PRELID2: variants seen among roughly 807,000 people sequenced by gnomAD.
PRELID2 encodes the protein PRELI domain-containing protein 2.
A neutral mutation model predicts 28.4 loss-of-function variants in PRELID2; 25 were observed. The observed-to-expected ratio is 0.88, with a 90% CI of 0.64 to 1.23. The LOEUF (loss-of-function observed/expected upper bound fraction) is 1.23. PRELID2 is among the 50% of genes most tolerant of loss of function. The probability of loss-of-function intolerance (pLI) is 0.00; values close to 1 mark genes in which losing one functional copy is unlikely to be tolerated. For synonymous variants in PRELID2, 76 were observed against 71.6 expected (o/e 1.06, Z -0.31); for missense variants, 201 against 214.4 (o/e 0.94, Z 0.39).
At chr5:145,303,875 T>A in the PRELID2 span, among the ~76,000 whole-genome samples, 23 of 152,322 alleles carry the variant, frequency 1.5e-4, 1 homozygote, top group South Asian at 4.3e-3. Context: ...CTTTGTTGCA[T>A]GTCCTTTTAT....
chr5:145,426,265 C>CAAT, the PRELID2 span, among the ~76,000 whole-genome samples: 2 of 152,134 alleles, frequency 1.3e-5, no homozygotes. Context: ...GTTGTCCCCT[C>CAAT]AAGATCAATA....
At chr5:145,458,570 G>T in the PRELID2 span, among the ~76,000 whole-genome samples, 2 of 152,232 alleles carry the variant, frequency 1.3e-5, no homozygotes, top group South Asian at 2.1e-4. Context: ...GCTCTATTCT[G>T]CCAGTATCTA....
At chr5:145,476,786 T>G (rs1752106115) in intron 1 of PRELID2, among the ~76,000 whole-genome samples, 1 of 152,144 alleles carries the variant, frequency 6.6e-6, no homozygotes, top group Non-Finnish European at 1.5e-5. Context: ...TTTTATGTGG[T>G]GTTGGGCAGG....
intron 5 of PRELID2, among the ~76,000 whole-genome samples, chr5:145,768,882 T>A (rs1274515873): frequency 6.6e-6 from 1 of 151,552 alleles, no homozygotes; most frequent in Non-Finnish European, 1.5e-5. Flanking sequence ...CAGTTAGAAA[T>A]GGAACATGGA....
At position 145,819,552 on chromosome 5, in the gene PRELID2, A is replaced by C. The variant is rs1036799109; in HGVS notation, c.207+393T>G. The C allele has an allele frequency of 4.7e-5, 28 of 593,498 alleles. No individual in the cohort carries two copies. The South Asian group carries it at 6.2e-4, about 13-fold the overall frequency. The allele number at this position is 593,498 out of a possible 1,614,324, so 36.8% of individuals were successfully genotyped here. On this transcript the variant is annotated intron_variant, in intron 3 of 6. Transcript: ENST00000683046. The stretch of plus-strand genomic sequence containing the variant: ...AAATAACTGTTATCTCTGATAGTGA[A>C]TTAGAAACTGAAGTTTTTCTCTTTC...
the PRELID2 span, among the ~76,000 whole-genome samples, chr5:145,239,451 C>T: frequency 6.6e-6 from 1 of 152,034 alleles, no homozygotes; most frequent in East Asian, 1.9e-4. Context: ...CCAGAGGTAT[C>T]CTACACTTAG....
chr5:145,785,989 C>T (rs1223815583), intron 5 of PRELID2, among the ~76,000 whole-genome samples: 2 of 152,100 alleles, frequency 1.3e-5, no homozygotes, highest in African/African-American at 4.8e-5. Flanking sequence ...GGCCTGAGCA[C>T]CCAAAAGGAT....
the PRELID2 span, among the ~76,000 whole-genome samples, chr5:145,365,301 A>C: frequency 6.6e-6 from 1 of 151,980 alleles, no homozygotes; most frequent in Non-Finnish European, 1.5e-5. Flanking sequence ...TAAGTATTTT[A>C]GGTAATAGAT....
chr5:145,539,035 G>T (rs929664350), intron 1 of PRELID2, among the ~76,000 whole-genome samples: 1 of 151,820 alleles, frequency 6.6e-6, no homozygotes, highest in African/African-American at 2.4e-5. Flanking sequence ...AATCCAAATT[G>T]CTGAATGCTG....
the PRELID2 span, among the ~76,000 whole-genome samples, chr5:145,389,199 T>C: frequency 1.3e-5 from 2 of 152,158 alleles, no homozygotes; most frequent in South Asian, 2.1e-4. Context: ...CTACCGCTTG[T>C]AGCAAAGATC....
At chr5:145,470,831 A>C (rs1215991771), downstream of PRELID2, among the ~76,000 whole-genome samples, 1 of 152,252 alleles carries the variant, frequency 6.6e-6, no homozygotes, top group Non-Finnish European at 1.5e-5. Flanking sequence ...CATTTTCACA[A>C]CATCTTCCAA....
intron 1 of PRELID2, among the ~76,000 whole-genome samples, chr5:145,688,243 G>A (rs980852721): frequency 6.6e-6 from 1 of 152,140 alleles, no homozygotes; most frequent in Non-Finnish European, 1.5e-5. Flanking sequence ...AAGGCATCTT[G>A]TTTGTTGCCC....
intron 1 of PRELID2, among the ~76,000 whole-genome samples, chr5:145,552,115 C>T (rs1246089148): frequency 6.6e-6 from 1 of 152,152 alleles, no homozygotes; most frequent in Non-Finnish European, 1.5e-5. Flanking sequence ...ACATAGTGTG[C>T]CCTACTTTTC....
downstream of PRELID2, among the ~76,000 whole-genome samples, chr5:145,468,513 T>A (rs962224509): frequency 6.6e-6 from 1 of 152,130 alleles, no homozygotes; most frequent in African/African-American, 2.4e-5. Flanking sequence ...CAATGGTTGA[T>A]CTAATTTACA....
At chr5:145,380,505 C>T in the PRELID2 span, among the ~76,000 whole-genome samples, 1 of 152,230 alleles carries the variant, frequency 6.6e-6, no homozygotes, top group Non-Finnish European at 1.5e-5. Flanking sequence ...AAAATTTCAG[C>T]TCAAATATAA....
At chr5:145,510,577 G>T (rs1752452521) in intron 1 of PRELID2, among the ~76,000 whole-genome samples, 1 of 152,220 alleles carries the variant, frequency 6.6e-6, no homozygotes, top group African/African-American at 2.4e-5. Flanking sequence ...GAGGAAGAAA[G>T]AATCCCTCTC....
chr5:145,611,761 T>G (rs1370415195), intron 1 of PRELID2, among the ~76,000 whole-genome samples: 1 of 152,226 alleles, frequency 6.6e-6, no homozygotes. Context: ...AGATATTTTT[T>G]GCTTGTTTGA....
the PRELID2 span, among the ~76,000 whole-genome samples, chr5:145,421,524 G>A: frequency 1.4e-5 from 2 of 147,196 alleles, no homozygotes; most frequent in Non-Finnish European, 3.0e-5. Context: ...TTTGCATAGA[G>A]GTGTTTGTAG....
the PRELID2 span, among the ~76,000 whole-genome samples, chr5:145,302,949 G>A: frequency 2.0e-5 from 3 of 152,160 alleles, no homozygotes; most frequent in East Asian, 5.8e-4. Context: ...ATGGGATTTG[G>A]GGAGCATAAC....
Sources: gnomAD v4.1 joint callset for allele counts (sites outside exome capture counted in the v4.1 genomes callset) on GRCh38, gnomAD v4.1.1 for gene constraint, MANE v1.5 for transcripts, NCBI Gene and HGNC (gene_info 2026-07-23, HGNC 2026-07-21) for gene names.